Variants in PLPPR1 observed in about 807,000 individuals in gnomAD.
PLPPR1 encodes phospholipid phosphatase-related protein type 1.
In PLPPR1, 10 loss-of-function variants were observed where a neutral mutation model predicts 33.1. That is an observed-to-expected ratio of 0.30 (90% CI 0.19 to 0.51). PLPPR1 has a LOEUF of 0.51. PLPPR1 is among the 20% of genes least tolerant of loss of function. The probability of loss-of-function intolerance (pLI) is 0.97; values close to 1 mark genes in which losing one functional copy is unlikely to be tolerated. For missense variants in PLPPR1, 304 were observed against 408.1 expected, an observed-to-expected ratio of 0.74 and a Z score of 2.20; for synonymous variants, 151 against 151.0, an observed-to-expected ratio of 1.00 and a Z score of 0.00.
At chr9:101,075,335 A>C (rs1830523273) in intron 1 of PLPPR1, among the ~76,000 whole-genome samples, 1 of 152,210 alleles carries the variant, frequency 6.6e-6, no homozygotes, top group South Asian at 2.1e-4. Flanking sequence ...TCTTTTTATA[A>C]AATAGCTTTA....
intron 3 of PLPPR1, among the ~76,000 whole-genome samples, chr9:101,278,298 T>C (rs1034141381): frequency 6.6e-6 from 1 of 152,194 alleles, no homozygotes; most frequent in African/African-American, 2.4e-5. Context: ...CCACATGTTT[T>C]TTAAAATATT....
chr9:101,167,165 T>TGC (rs1268173769), intron 1 of PLPPR1, among the ~76,000 whole-genome samples: 2 of 72,884 alleles, frequency 2.7e-5, no homozygotes, highest in African/African-American at 9.0e-5. Flanking sequence ...TGTGTGTGTG[T>TGC]GTGTGTGTGT....
chr9:101,132,528 A>G (rs1419616531), intron 1 of PLPPR1, among the ~76,000 whole-genome samples: 1 of 152,182 alleles, frequency 6.6e-6, no homozygotes, highest in African/African-American at 2.4e-5. Context: ...GAATAGGCAG[A>G]ACACAGAGAA....
intron 2 of PLPPR1, among the ~76,000 whole-genome samples, chr9:101,266,231 AG>A (rs1185880576): frequency 6.6e-6 from 1 of 151,968 alleles, no homozygotes; most frequent in Non-Finnish European, 1.5e-5. Flanking sequence ...GTTTGAGACC[AG>A]CCTGGTCAAC....
At chr9:101,311,092 T>TAAA (rs151036741) in intron 5 of PLPPR1, among the ~76,000 whole-genome samples, 7,376 of 152,248 alleles carry the variant, frequency 0.048, 545 homozygotes, top group African/African-American at 0.16. Flanking sequence ...TGCCTTTTCC[T>TAAA]GTATTTTTTA....
intron 1 of PLPPR1, among the ~76,000 whole-genome samples, chr9:101,184,853 T>C (rs1046081104): frequency 2.6e-5 from 4 of 151,940 alleles, no homozygotes; most frequent in Admixed American, 2.6e-4. Flanking sequence ...TGTTTTATGT[T>C]TGGGTCACAC....
intron 4 of PLPPR1, among the ~76,000 whole-genome samples, chr9:101,307,529 T>C (rs1177031271): frequency 6.6e-6 from 1 of 152,182 alleles, no homozygotes; most frequent in East Asian, 1.9e-4. Context: ...AATGAATGCC[T>C]GCTCTCAGAG....
chr9:101,290,926 A>T (rs1165780587), intron 4 of PLPPR1, among the ~76,000 whole-genome samples: 2 of 152,356 alleles, frequency 1.3e-5, no homozygotes, highest in East Asian at 3.9e-4. Context: ...AGTGCCAGAC[A>T]GTGGGCGCAG....
At chr9:101,308,520 G>C (rs545692030) in intron 4 of PLPPR1, among the ~76,000 whole-genome samples, 5 of 152,108 alleles carry the variant, frequency 3.3e-5, no homozygotes, top group African/African-American at 4.8e-5. Flanking sequence ...CTCGGTTTGT[G>C]GTAATTTGTT....
intron 4 of PLPPR1, among the ~76,000 whole-genome samples, chr9:101,289,609 A>G (rs1203541612): frequency 6.6e-6 from 1 of 152,224 alleles, no homozygotes; most frequent in Non-Finnish European, 1.5e-5. Flanking sequence ...ATGGTAGTGA[A>G]TAAGTCTCAA....
intron 2 of PLPPR1, among the ~76,000 whole-genome samples, chr9:101,189,299 T>C (rs1238420062): frequency 6.6e-6 from 1 of 152,072 alleles, no homozygotes; most frequent in African/African-American, 2.4e-5. Flanking sequence ...GTTGAAAGAG[T>C]CATTATCAAT....
chr9:101,177,056 T>C (rs1826029160), intron 1 of PLPPR1, among the ~76,000 whole-genome samples: 1 of 152,266 alleles, frequency 6.6e-6, no homozygotes, highest in South Asian at 2.1e-4. Flanking sequence ...GAAAGTATGA[T>C]GCCTCCAGCT....
In PLPPR1 at chr9:101,315,707, A is replaced by G. The variant is rs1172876340; in HGVS notation, c.814-1658A>G. ...GAGAGACCACCCTGTTGGCACATGC[A>G]TGTGAACACACCTCACAGACACACA... On this transcript the variant is annotated intron_variant, in intron 6 of 7. Coordinates refer to ENST00000374874, the MANE Select transcript of PLPPR1 (RefSeq NM_207299.2). Among the ~76,000 whole-genome samples, 6 of 152,298 alleles carry G rather than the reference A, an allele frequency of 3.9e-5. No homozygotes were observed. In the South Asian group the frequency reaches 8.3e-4, roughly 21 times the overall value.
chr9:101,075,252 T>C (rs1386623129), intron 1 of PLPPR1, among the ~76,000 whole-genome samples: 1 of 152,212 alleles, frequency 6.6e-6, no homozygotes, highest in Non-Finnish European at 1.5e-5. Context: ...TCACAGATAA[T>C]AGCCTCACAT....
chr9:101,230,400 C>A (rs78124577), intron 2 of PLPPR1, among the ~76,000 whole-genome samples: 6 of 152,128 alleles, frequency 3.9e-5, no homozygotes, highest in African/African-American at 1.4e-4. Flanking sequence ...GGCCTCTGTC[C>A]ACACCTTCAG....
At chr9:101,031,979 G>A (rs796606621) in intron 1 of PLPPR1, among the ~76,000 whole-genome samples, 4 of 152,278 alleles carry the variant, frequency 2.6e-5, no homozygotes, top group African/African-American at 7.2e-5. Context: ...CCAACTCAAG[G>A]AGAGTAAGAA....
Position 101,221,379 on chromosome 9 carries a change from G to T in PLPPR1, c.63+35822G>T, listed in dbSNP as rs138161065. 4.6e-5 allele frequency among the ~76,000 whole-genome samples: 7 copies of T among 152,220 alleles called. No homozygotes were observed. In the East Asian group the frequency reaches 9.7e-4, roughly 21 times the overall value. The stretch of plus-strand genomic sequence containing the variant: ...CCCATTAGTCAGTAAAGAACAGTAT[G>T]GTGGACCCAGATCCGTGGGTCCTAC... On this transcript the variant is annotated intron_variant, in intron 2 of 7. Coordinates refer to ENST00000374874, the MANE Select transcript of PLPPR1 (RefSeq NM_207299.2).
intron 2 of PLPPR1, among the ~76,000 whole-genome samples, chr9:101,264,565 G>T (rs981065509): frequency 2.0e-5 from 3 of 152,186 alleles, no homozygotes; most frequent in Non-Finnish European, 4.4e-5. Flanking sequence ...CATGCCCCAG[G>T]TAGATTACAA....
chr9:101,055,718 T>C (rs1368850381), intron 1 of PLPPR1, among the ~76,000 whole-genome samples: 2 of 152,212 alleles, frequency 1.3e-5, no homozygotes, highest in African/African-American at 4.8e-5. Flanking sequence ...CATTCTCTCA[T>C]GTGGGAATTC....
Sources: allele counts gnomAD v4.1 joint callset (sites outside exome capture counted in the v4.1 genomes callset), GRCh38; gene constraint gnomAD v4.1.1; transcripts MANE v1.5; gene names NCBI Gene and HGNC (gene_info 2026-07-23, HGNC 2026-07-21).